OTOA: variants seen among roughly 807,000 people sequenced by gnomAD.
OTOA encodes the protein cancer/testis antigen 108.
OTOA carries 70 observed loss-of-function variants against 110.8 expected under a neutral mutation model. The ratio of observed to expected loss-of-function variants is 0.63; its 90% CI spans 0.52 to 0.77. The LOEUF is 0.77. Ranked by LOEUF, OTOA falls within the 30% of genes least tolerant of loss-of-function variation. OTOA has a pLI of 0.00. For missense variants in OTOA, 917 were observed against 1,075.8 expected, an observed-to-expected ratio of 0.85 and a Z score of 2.06; for synonymous variants, 373 against 431.5, an observed-to-expected ratio of 0.86 and a Z score of 1.68.
At chr16:21,749,715 C>T (rs1374819272) in intron 24 of OTOA, among the ~76,000 whole-genome samples, 3 of 117,260 alleles carry the variant, frequency 2.6e-5, no homozygotes, top group African/African-American at 1.0e-4. Flanking sequence ...ACAGAGTCTC[C>T]CTCTGTCACC....
chr16:21,664,830 G>C (rs1208738707), intron 1 of OTOA, among the ~76,000 whole-genome samples: 1 of 151,936 alleles, frequency 6.6e-6, no homozygotes, highest in Non-Finnish European at 1.5e-5. Flanking sequence ...ATATTAGCCA[G>C]GTGTGGTGGC....
Position 21,733,396 on chromosome 16 carries a change from C to T in OTOA, c.2301+2466C>T, listed in dbSNP as rs575637767. Among the ~76,000 whole-genome samples the T allele has an allele frequency of 2.6e-3, 399 of 151,940 alleles. 2 individuals carry two copies. The highest frequency in any genetic ancestry group is 4.1e-3 in the Non-Finnish European group (281 of 67,900). On this transcript the variant is annotated intron_variant, in intron 21 of 28. Transcript: ENST00000646100. ...AGGGACCAATCCATGGTATCCAGCC[C>T]AGCCCGACTGAGTCAGAATCTTTAG...
At chr16:21,688,421 C>CA (rs1341166886) in intron 8 of OTOA, among the ~76,000 whole-genome samples, 2 of 151,734 alleles carry the variant, frequency 1.3e-5, no homozygotes, top group South Asian at 2.1e-4. Flanking sequence ...AAAACAAAAA[C>CA]AAAAAAACCC....
intron 7 of OTOA, 93 bp from the exon 8 acceptor site, chr16:21,687,320 A>C: frequency 1.0e-6 from 1 of 999,654 alleles, no homozygotes; most frequent in Non-Finnish European, 1.6e-6. Context: ...AGTGATCCTG[A>C]CTTTCCCCAC....
At chr16:21,665,093 T>C (rs1471492587) in intron 1 of OTOA, among the ~76,000 whole-genome samples, 1 of 152,208 alleles carries the variant, frequency 6.6e-6, no homozygotes, top group Non-Finnish European at 1.5e-5. Context: ...TGCAAGCCTA[T>C]AGAGGTTAAG....
At chr16:21,706,818 C>A (rs1037987199) in intron 12 of OTOA, among the ~76,000 whole-genome samples, 2 of 147,044 alleles carry the variant, frequency 1.4e-5, no homozygotes, top group Non-Finnish European at 3.0e-5. Flanking sequence ...TTTTGGTCAG[C>A]GCATCTTTTT....
intron 1 of OTOA, among the ~76,000 whole-genome samples, chr16:21,668,140 G>A (rs1966844430): frequency 6.6e-6 from 1 of 152,050 alleles, no homozygotes; most frequent in Non-Finnish European, 1.5e-5. Flanking sequence ...ACAGGATCTT[G>A]TTCTGTCACT....
At position 21,687,567 on chromosome 16, in the gene OTOA, G is replaced by A; in HGVS notation, c.554G>A (p.Arg185Lys). Residue 185 changes from arginine (R) to lysine (K), a missense_variant, in exon 8 of 29, where the codon AGG becomes AAG. Arg to Lys is a conservative substitution (Grantham distance 26, BLOSUM62 2). Transcript: ENST00000646100. ...ECVEILGKVL[R>K]GSSGSFLQPD... ...GTGGAGATCCTGGGCAAGGTGCTGAGGGGGTCCTCAGGGAGCTTTCTCCAG... is the reference window on the plus strand; with the variant it reads ...GTGGAGATCCTGGGCAAGGTGCTGAAGGGGTCCTCAGGGAGCTTTCTCCAG... 8 of 1,614,038 alleles carry A rather than the reference G, an allele frequency of 5.0e-6. No individual in the cohort carries two copies. Among genetic ancestry groups the A allele is most frequent in the Non-Finnish European group, 6.8e-6 (8 of 1,179,990 alleles).
rs1411272323 is a variant in OTOA, at chr16:21,705,478, G to A, written c.1104+186G>A. On this transcript the variant is annotated intron_variant, in intron 12 of 28. Transcript: ENST00000646100. ...AACATCGAAGCCCAGACAGAAAATA[G>A]CAAAGGAACAGACCCTGGGGAGATC... 3.3e-6 allele frequency: 3 copies of A among 905,594 alleles called. No individual in the cohort carries two copies. The East Asian group carries it at 8.0e-5, about 24-fold the overall frequency. The allele number at this position is 905,594 out of a possible 1,614,324, so 56.1% of individuals were successfully genotyped here.
intron 15 of OTOA, 133 bp from the exon 16 acceptor site, chr16:21,719,000 C>T: frequency 1.1e-6 from 1 of 882,080 alleles, no homozygotes; most frequent in South Asian, 1.4e-5. Flanking sequence ...TCCTAGGTAA[C>T]TCACATAGCC....
chr16:21,668,357 C>T (rs958400251), intron 1 of OTOA, among the ~76,000 whole-genome samples: 1 of 151,878 alleles, frequency 6.6e-6, no homozygotes, highest in African/African-American at 2.4e-5. Context: ...CAATCCTCCG[C>T]CTTGGCCTCC....
At position 21,730,859 on chromosome 16, in the gene OTOA, G is replaced by A. The variant is rs1393457048; in HGVS notation, c.2230G>A (p.Glu744Lys). Residue 744 changes from glutamate (E) to lysine (K), a missense_variant, in exon 21 of 29, where the codon GAG becomes AAG. This residue lies in a region of OTOA where 840 missense variants were observed against 910.2 expected (regional missense o/e 0.92). Transcript: ENST00000646100. ...QYGLPQHWTA[E>K]TTKDLGPFLV... ...TAGACTCCCTCAGCACTGGACAGCCGAGACCACGAAGGACTTGGGACCCTT... is the reference window on the plus strand; with the variant it reads ...TAGACTCCCTCAGCACTGGACAGCCAAGACCACGAAGGACTTGGGACCCTT... 1.0e-5 allele frequency: 16 copies of A among 1,574,782 alleles called. 1 individual carries two copies. The highest frequency in any genetic ancestry group is 1.7e-4 in the Middle Eastern group (1 of 5,812).
chr16:21,685,498 C>T (rs1259848414), intron 7 of OTOA, 137 bp downstream of exon 7: 2 of 1,276,534 alleles, frequency 1.6e-6, no homozygotes, highest in African/African-American at 1.5e-5. Context: ...CTCCAACCCC[C>T]TGGGGGCTTT....
At chr16:21,684,016 C>G (rs1006462783) in intron 6 of OTOA, among the ~76,000 whole-genome samples, 5 of 152,034 alleles carry the variant, frequency 3.3e-5, no homozygotes, top group Non-Finnish European at 2.9e-5. Context: ...ATCCGCCTGT[C>G]TTGGCCTCCC....
chr16:21,721,678 T>C (rs1205360811), intron 17 of OTOA, among the ~76,000 whole-genome samples: 1 of 152,072 alleles, frequency 6.6e-6, no homozygotes, highest in East Asian at 1.9e-4. Context: ...CATTTGAGGA[T>C]AGGACTTTGA....
At chr16:21,697,921 T>TG in intron 10 of OTOA, 46 bp downstream of exon 10, 5 of 1,484,270 alleles carry the variant, frequency 3.4e-6, no homozygotes, top group Non-Finnish European at 4.7e-6. Context: ...CTAATACACT[T>TG]GGGGTAAGGT....
At chr16:21,724,902 C>A (rs1898867140) in intron 18 of OTOA, among the ~76,000 whole-genome samples, 1 of 151,874 alleles carries the variant, frequency 6.6e-6, no homozygotes. Flanking sequence ...TCAGCCTCCC[C>A]AGTAGCTGGG....
intron 6 of OTOA, among the ~76,000 whole-genome samples, chr16:21,682,326 C>T (rs538447233): frequency 3.9e-5 from 6 of 152,168 alleles, no homozygotes; most frequent in African/African-American, 7.2e-5. Context: ...GAGGATATGA[C>T]GCAAGTTACA....
At position 21,730,625 on chromosome 16, in the gene OTOA, G is replaced by A; in HGVS notation, c.2208-212G>A. ...TGCCAGAGATACCAGAGAAAGGAGA[G>A]CTTCTCTGATAGTTCCATCAAAACT... On this transcript the variant is annotated intron_variant, in intron 20 of 28. Coordinates refer to ENST00000646100, the MANE Select transcript of OTOA (RefSeq NM_144672.4). 13 of 509,208 alleles carry A rather than the reference G, an allele frequency of 2.6e-5. 1 individual carries two copies. In the South Asian group the frequency reaches 2.6e-4, roughly 10 times the overall value. The allele number at this position is 509,208 out of a possible 1,614,324, so 31.5% of individuals were successfully genotyped here. A position where few individuals can be genotyped will look rare whatever the true frequency, so the allele number is the denominator to read the frequency against.
Sources: gnomAD v4.1 joint callset for allele counts (sites outside exome capture counted in the v4.1 genomes callset) on GRCh38, gnomAD v4.1.1 for gene constraint, gnomAD v4.1.1 regional missense constraint, MANE v1.5 for transcripts, NCBI Gene and HGNC (gene_info 2026-07-23, HGNC 2026-07-21) for gene names.